Variants in NRCAM observed in about 807,000 individuals in gnomAD.
NRCAM encodes the protein NgCAM-related cell adhesion molecule.
A neutral mutation model predicts 156.5 loss-of-function variants in NRCAM; 83 were observed. The ratio of observed to expected loss-of-function variants is 0.53; its 90% CI spans 0.44 to 0.64. The LOEUF (loss-of-function observed/expected upper bound fraction) is 0.64. Among genes scored for constraint, NRCAM ranks in the 30% least tolerant of loss-of-function variants. The pLI, the probability that NRCAM is intolerant of heterozygous loss-of-function variation, is 0.00. For missense variants in NRCAM, 1,417 were observed against 1,597.3 expected (o/e 0.89, Z 1.92); for synonymous variants, 538 against 563.9 (o/e 0.95, Z 0.65).
rs1321203947 is a variant in NRCAM at position 108,160,365 on chromosome 7, A to G, written c.3594T>C (p.Tyr1198=). ...ATTTTAATCTTTCTTTCTTACCTGGATATTTACCACCCTTGTTTCTTCTGA... is the reference window on the plus strand; with the variant it reads ...ATTTTAATCTTTCTTTCTTACCTGGGTATTTACCACCCTTGTTTCTTCTGA... The part of the protein sequence containing the change: ...CFIRRNKGGK[Y]PVKEKEDAHA... Residue 1198 remains tyrosine, a synonymous_variant, in exon 31 of 33, where the codon TAT becomes TAC. Coordinates refer to ENST00000379028, the MANE Select transcript of NRCAM (RefSeq NM_001037132.4). 6.2e-7 allele frequency: 1 copy of G among 1,612,940 alleles called. No individual in the cohort carries two copies. Among genetic ancestry groups the G allele is most frequent in the South Asian group, 1.1e-5 (1 of 90,946 alleles).
At chr7:108,153,262 G>T (rs982325353) in intron 32 of NRCAM, among the ~76,000 whole-genome samples, 1 of 151,982 alleles carries the variant, frequency 6.6e-6, no homozygotes, top group Non-Finnish European at 1.5e-5. Flanking sequence ...TCCAGGTTGG[G>T]TTTATTCCAA....
intron 3 of NRCAM, among the ~76,000 whole-genome samples, chr7:108,298,662 C>CA: frequency 7.2e-6 from 1 of 138,466 alleles, no homozygotes; most frequent in African/African-American, 2.7e-5. Flanking sequence ...CAAAAAAAAC[C>CA]AAAAAAACAA....
In NRCAM at chr7:108,222,848, AG is replaced by A. The variant is rs1285672643; in HGVS notation, c.890+876del. Among the ~76,000 whole-genome samples the A allele has an allele frequency of 2.6e-5, 4 of 152,294 alleles. No individual in the cohort carries two copies. In the East Asian group the frequency reaches 7.7e-4, roughly 29 times the overall value. ...ATACCAATGGTGTTTGCTCTGTGTC[AG>A]GCAGAAGACAGGGACTATATAGAAA... On this transcript the variant is annotated intron_variant, in intron 11 of 32. Coordinates refer to ENST00000379028, the MANE Select transcript of NRCAM (RefSeq NM_001037132.4).
Position 108,226,236 on chromosome 7 carries a change from C to A in NRCAM, c.693G>T (p.Lys231Asn). 5 of 1,604,122 alleles carry A rather than the reference C, an allele frequency of 3.1e-6. No individual in the cohort carries two copies. Among genetic ancestry groups the A allele is most frequent in the Non-Finnish European group, 4.2e-6 (5 of 1,177,318 alleles). Residue 231 changes from lysine to asparagine, a missense_variant, in exon 9 of 33, where the codon AAG becomes AAT. Lys to Asn is a moderately conservative substitution (Grantham distance 94). Coordinates refer to ENST00000379028, the MANE Select transcript of NRCAM (RefSeq NM_001037132.4). ...RFNHTQTIQQ[K>N]QPISVKVISV... ...AAATCACCTTCACAGAAATAGGTTG[C>A]TTCTGCTGTATGGTTTGAGTATGAT...
At chr7:108,334,772 C>CA (rs1278876324) in intron 2 of NRCAM, among the ~76,000 whole-genome samples, 1 of 152,094 alleles carries the variant, frequency 6.6e-6, no homozygotes, top group African/African-American at 2.4e-5. Context: ...ATCACCCTCC[C>CA]ACTTGATTTC....
At chr7:108,167,124 A>G (rs2054953891) in intron 29 of NRCAM, 51 bp from the exon 30 acceptor site, 1 of 1,449,556 alleles carries the variant, frequency 6.9e-7, no homozygotes, top group South Asian at 1.2e-5. Context: ...AGGGACCAGA[A>G]GTCACTTAAT....
At chr7:108,303,582 T>C (rs1331245163) in intron 3 of NRCAM, among the ~76,000 whole-genome samples, 2 of 152,174 alleles carry the variant, frequency 1.3e-5, no homozygotes, top group Non-Finnish European at 2.9e-5. Flanking sequence ...TCCCATAATC[T>C]ATCCCAAATT....
At chr7:108,376,483 G>A (rs2099676115) in intron 2 of NRCAM, among the ~76,000 whole-genome samples, 1 of 152,108 alleles carries the variant, frequency 6.6e-6, no homozygotes, top group African/African-American at 2.4e-5. Flanking sequence ...GTGCAGGGCA[G>A]GTGTGGCTGG....
intron 13 of NRCAM, among the ~76,000 whole-genome samples, chr7:108,206,583 C>A (rs1167572274): frequency 6.6e-6 from 1 of 152,094 alleles, no homozygotes; most frequent in Non-Finnish European, 1.5e-5. Flanking sequence ...ATGCTCCTCT[C>A]GGCAGTAGCT....
At chr7:108,311,086 T>C (rs989899170) in intron 3 of NRCAM, among the ~76,000 whole-genome samples, 1 of 152,192 alleles carries the variant, frequency 6.6e-6, no homozygotes, top group Non-Finnish European at 1.5e-5. Context: ...AAGGGCACCA[T>C]GTACTTCCTC....
Position 108,166,922 on chromosome 7 carries a change from T to C in NRCAM, c.3465A>G (p.Pro1155=), listed in dbSNP as rs745876645. 1 of 1,613,714 alleles carries C rather than the reference T, an allele frequency of 6.2e-7. No homozygotes were observed. Among genetic ancestry groups the C allele is most frequent in the South Asian group, 1.1e-5 (1 of 90,998 alleles). The part of the protein sequence containing the change: ...VSSEDVFETG[P]AMASRQVDIA... ...GAACAGGTGTGGTGTGAGCCTCACC[T>C]GGGCCTGTCTCAAACACATCCTCTG... is the stretch of plus-strand genomic sequence containing the variant. Residue 1155 remains proline, a splice_region_variant and synonymous_variant, in exon 30 of 33, where the codon CCA becomes CCG. Transcript: ENST00000379028.
chr7:108,392,069 A>T (rs940975496), intron 2 of NRCAM, among the ~76,000 whole-genome samples: 4 of 152,036 alleles, frequency 2.6e-5, no homozygotes, highest in African/African-American at 9.7e-5. Context: ...TGCTCTTCTC[A>T]AGGAGTATCT....
At chr7:108,158,892 G>GT (rs2047114435) in intron 32 of NRCAM, among the ~76,000 whole-genome samples, 2 of 152,112 alleles carry the variant, frequency 1.3e-5, no homozygotes, top group African/African-American at 4.8e-5. Flanking sequence ...TAATGATGGA[G>GT]TCAAGCCAAG....
intron 3 of NRCAM, among the ~76,000 whole-genome samples, chr7:108,290,257 A>G (rs376660630): frequency 1.3e-4 from 20 of 152,274 alleles, no homozygotes; most frequent in African/African-American, 4.6e-4. Flanking sequence ...AATTGAAAGA[A>G]TAAGGACTAG....
rs79024426 is a variant in NRCAM at position 108,249,097 on chromosome 7, G to A, written c.-106-8927C>T. 9.3e-4 allele frequency among the ~76,000 whole-genome samples: 141 copies of A among 152,314 alleles called. 1 individual carries two copies. The highest frequency in any genetic ancestry group is 3.3e-3 in the African/African-American group (137 of 41,570). ...CGCAAACAAGGGCCTGAGCATGTGT[G>A]TTGGGGAGGCAAAAGGCTCAGATTT... On this transcript the variant is annotated intron_variant, in intron 3 of 32. Coordinates refer to ENST00000379028, the MANE Select transcript of NRCAM (RefSeq NM_001037132.4).
intron 2 of NRCAM, among the ~76,000 whole-genome samples, chr7:108,383,370 A>G (rs2099710461): frequency 6.6e-6 from 1 of 152,276 alleles, no homozygotes; most frequent in African/African-American, 2.4e-5. Context: ...AAATAAAGAC[A>G]AAAGCTGTCT....
chr7:108,246,298 G>C (rs2095911942), intron 3 of NRCAM, among the ~76,000 whole-genome samples: 1 of 151,988 alleles, frequency 6.6e-6, no homozygotes, highest in Non-Finnish European at 1.5e-5. Flanking sequence ...ATCAGGGTGG[G>C]TGTTCAGCCT....
At chr7:108,168,996 G>T (rs966952343) in intron 28 of NRCAM, among the ~76,000 whole-genome samples, 1 of 152,194 alleles carries the variant, frequency 6.6e-6, no homozygotes, top group Non-Finnish European at 1.5e-5. Context: ...TGGATGGTAA[G>T]GGTATGTTGG....
At chr7:108,395,236 T>G (rs937151092) in intron 2 of NRCAM, among the ~76,000 whole-genome samples, 1 of 152,246 alleles carries the variant, frequency 6.6e-6, no homozygotes, top group Non-Finnish European at 1.5e-5. Flanking sequence ...AAGGTATTAG[T>G]GCAGTAGCTA....
Sources: allele counts gnomAD v4.1 joint callset (sites outside exome capture counted in the v4.1 genomes callset), GRCh38; gene constraint gnomAD v4.1.1; transcripts MANE v1.5; gene names NCBI Gene and HGNC (gene_info 2026-07-23, HGNC 2026-07-21).